ARHGEF33: variants seen among roughly 807,000 people sequenced by gnomAD.
The protein encoded by ARHGEF33 is DH and coiled-coil domain-containing protein ENSP00000381780.
Under a neutral mutation model 101.9 loss-of-function variants are expected in ARHGEF33, and 72 were observed. The observed-to-expected ratio is 0.71, with a 90% CI of 0.58 to 0.86. The LOEUF is 0.86. ARHGEF33 is among the 40% of genes least tolerant of loss of function. The pLI is 0.00. For synonymous variants in ARHGEF33, 499 were observed against 442.5 expected (o/e 1.13, Z -1.60); for missense variants, 1,169 against 1,111.3 (o/e 1.05, Z -0.74).
At chr2:38,955,745 C>T (rs1203500512) in intron 13 of ARHGEF33, among the ~76,000 whole-genome samples, 1 of 151,922 alleles carries the variant, frequency 6.6e-6, no homozygotes, top group Non-Finnish European at 1.5e-5. Flanking sequence ...GGCATGATCT[C>T]AGCTCACTGC....
intron 2 of ARHGEF33, among the ~76,000 whole-genome samples, chr2:38,897,448 A>G (rs1333488026): frequency 6.6e-6 from 1 of 152,238 alleles, no homozygotes; most frequent in Admixed American, 6.5e-5. Flanking sequence ...ATCTATCTGT[A>G]GAAACTCAAA....
At chr2:38,934,702 G>A (rs1667092408) in intron 7 of ARHGEF33, among the ~76,000 whole-genome samples, 1 of 147,060 alleles carries the variant, frequency 6.8e-6, no homozygotes. Context: ...CTCAGGCACT[G>A]TTTTAGGTGG....
Position 38,958,099 on chromosome 2 carries a change from C to A in ARHGEF33, c.1436C>A (p.Ser479Tyr), listed in dbSNP as rs941213138. 1.9e-6 allele frequency: 3 copies of A among 1,552,166 alleles called. No homozygotes were observed. The highest frequency in any genetic ancestry group is 1.7e-6 in the Non-Finnish European group (2 of 1,147,108). Residue 479 changes from serine (S) to tyrosine (Y), a missense_variant, in exon 15 of 18, where the codon TCC becomes TAC. Physicochemically the swap from Ser to Tyr is moderately radical, Grantham distance 144. Coordinates refer to ENST00000409978, the MANE Select transcript of ARHGEF33 (RefSeq NM_001145451.5). ...TGTGCCAATGCTGGGCAAGATGCTTCCCCCACTGCAGGTCCTGAGGCTGTC... is the reference window on the plus strand; with the variant it reads ...TGTGCCAATGCTGGGCAAGATGCTTACCCCACTGCAGGTCCTGAGGCTGTC... ...SQCANAGQDA[S>Y]PTAGPEAVRD...
At chr2:38,961,215 A>G (rs1241313712) in intron 16 of ARHGEF33, among the ~76,000 whole-genome samples, 1 of 152,204 alleles carries the variant, frequency 6.6e-6, no homozygotes, top group Non-Finnish European at 1.5e-5. Flanking sequence ...AATTTGCTGC[A>G]AAGCCAGCTT....
chr2:38,904,113 C>A (rs1666333722), intron 2 of ARHGEF33, among the ~76,000 whole-genome samples: 1 of 152,014 alleles, frequency 6.6e-6, no homozygotes, highest in African/African-American at 2.4e-5. Flanking sequence ...GTTTTGATTC[C>A]TATTGAGTTT....
At chr2:38,931,404 G>A in intron 7 of ARHGEF33, 153 bp downstream of exon 7, 1 of 662,708 alleles carries the variant, frequency 1.5e-6, no homozygotes, top group South Asian at 2.4e-5. Context: ...GAATCCAGAG[G>A]ATCTAAGAGA....
intron 13 of ARHGEF33, among the ~76,000 whole-genome samples, chr2:38,955,545 G>A (rs1667719515): frequency 7.2e-6 from 1 of 138,278 alleles, no homozygotes; most frequent in African/African-American, 2.8e-5. Flanking sequence ...CTGGAGTGCA[G>A]TGGTGTGATC....
At chr2:38,971,755 T>C (rs1668170933) in intron 17 of ARHGEF33, 1 of 703,162 alleles carries the variant, frequency 1.4e-6, no homozygotes, top group African/African-American at 1.8e-5. Flanking sequence ...TGCAGAGAAA[T>C]TCAGACATTG....
At chr2:38,896,259 CT>C (rs1558421496) in intron 2 of ARHGEF33, among the ~76,000 whole-genome samples, 2 of 152,186 alleles carry the variant, frequency 1.3e-5, no homozygotes, top group Non-Finnish European at 2.9e-5. Context: ...CTGCCTCAGC[CT>C]CCCGAGTAGC....
chr2:38,890,610 A>G (rs1251842352), intron 1 of ARHGEF33, among the ~76,000 whole-genome samples: 1 of 152,224 alleles, frequency 6.6e-6, no homozygotes, highest in Non-Finnish European at 1.5e-5. Flanking sequence ...TTAAGTGAGA[A>G]TAGCGTTCTA....
chr2:38,910,950 G>T (rs536455765), intron 2 of ARHGEF33, among the ~76,000 whole-genome samples: 1 of 152,182 alleles, frequency 6.6e-6, no homozygotes, highest in South Asian at 2.1e-4. Context: ...GCGACTTCCA[G>T]TGTAACTTTG....
chr2:38,931,938 A>G (rs997872692), intron 7 of ARHGEF33, among the ~76,000 whole-genome samples: 2 of 152,162 alleles, frequency 1.3e-5, no homozygotes, highest in African/African-American at 4.8e-5. Context: ...GAAAGACTCA[A>G]TGATTTCTCA....
At chr2:38,964,265 T>G (rs1240465280) in intron 16 of ARHGEF33, among the ~76,000 whole-genome samples, 1 of 152,058 alleles carries the variant, frequency 6.6e-6, no homozygotes, top group Non-Finnish European at 1.5e-5. Flanking sequence ...GTATGGAGAT[T>G]TGAAATTATC....
chr2:38,950,989 C>A lies in ARHGEF33; in HGVS notation c.921C>A (p.Ser307Arg). ...GATTCCGTCTCTATTCTGTTTCAAGCCTCTTCCCTGGCTCTTTACGGTACC... is the reference window on the plus strand; with the variant it reads ...GATTCCGTCTCTATTCTGTTTCAAGACTCTTCCCTGGCTCTTTACGGTACC... ...SDGKRNSKER[S>R]LFPGSLRYLV... Residue 307 changes from serine (S) to arginine (R), a missense_variant and splice_region_variant, in exon 11 of 18, where the codon AGC becomes AGA. Transcript: ENST00000409978. 6.4e-7 allele frequency: 1 copy of A among 1,551,804 alleles called. No homozygotes were observed. Among genetic ancestry groups the A allele is most frequent in the African/African-American group, 1.4e-5 (1 of 73,152 alleles).
intron 2 of ARHGEF33, among the ~76,000 whole-genome samples, chr2:38,911,550 C>G (rs1666509967): frequency 6.6e-6 from 1 of 152,070 alleles, no homozygotes; most frequent in Non-Finnish European, 1.5e-5. Context: ...GGTCAGGAGA[C>G]TTTTCAGTAT....
chr2:38,958,337 G>A (rs951579043), intron 15 of ARHGEF33, 139 bp downstream of exon 15: 7 of 1,088,092 alleles, frequency 6.4e-6, no homozygotes, highest in Middle Eastern at 3.1e-4. Context: ...CAGCCAACCC[G>A]ATTCTTGGGT....
At chr2:38,925,953 C>G (rs1295609948) in intron 4 of ARHGEF33, among the ~76,000 whole-genome samples, 1 of 150,728 alleles carries the variant, frequency 6.6e-6, no homozygotes, top group Non-Finnish European at 1.5e-5. Flanking sequence ...AGGGATCTTT[C>G]ATGAAAAAAA....
chr2:38,932,313 A>G (rs1295700212), intron 7 of ARHGEF33, among the ~76,000 whole-genome samples: 3 of 152,108 alleles, frequency 2.0e-5, no homozygotes, highest in African/African-American at 7.2e-5. Flanking sequence ...TTTAGTAGAG[A>G]CAGGGGTTTC....
chr2:38,902,615 G>T (rs1449293440), intron 2 of ARHGEF33, among the ~76,000 whole-genome samples: 1 of 152,106 alleles, frequency 6.6e-6, no homozygotes. Flanking sequence ...AGTAGTTATG[G>T]TGGGTGCAGT....
Sources: allele counts gnomAD v4.1 joint callset (sites outside exome capture counted in the v4.1 genomes callset), GRCh38; gene constraint gnomAD v4.1.1; transcripts MANE v1.5; gene names NCBI Gene and HGNC (gene_info 2026-07-23, HGNC 2026-07-21).